Variants in TTC23L observed in about 807,000 individuals in gnomAD.
The protein encoded by TTC23L is tetratricopeptide repeat protein 23-like.
Under a neutral mutation model 48.1 loss-of-function variants are expected in TTC23L, and 42 were observed. The ratio of observed to expected loss-of-function variants is 0.87; its 90% CI spans 0.68 to 1.13. TTC23L has a LOEUF of 1.13. TTC23L is among the 50% of genes most tolerant of loss of function. The probability of loss-of-function intolerance (pLI) is 0.00; values close to 1 mark genes in which losing one functional copy is unlikely to be tolerated. For synonymous variants in TTC23L, 159 were observed against 157.2 expected, an observed-to-expected ratio of 1.01 and a Z score of -0.09; for missense variants, 391 against 421.0, an observed-to-expected ratio of 0.93 and a Z score of 0.62.
the TTC23L span, chr5:34,924,872 T>A: frequency 1.2e-6 from 2 of 1,606,396 alleles, no homozygotes; most frequent in African/African-American, 2.7e-5. Context: ...GCTGCTCTTG[T>A]AGAAATAGGA....
At chr5:34,909,200 A>G in the TTC23L span, 2 of 1,296,282 alleles carry the variant, frequency 1.5e-6, no homozygotes, top group Non-Finnish European at 2.2e-6. Flanking sequence ...ATTTAACAGA[A>G]ATCTGGTATT....
chr5:34,850,463 T>C (rs982967222), intron 4 of TTC23L, among the ~76,000 whole-genome samples, 155 bp downstream of exon 4: 2 of 30,524 alleles, frequency 6.6e-5, no homozygotes, highest in South Asian at 1.1e-3. Context: ...AGGGAGACAG[T>C]GTGCAAGGAT....
At chr5:34,882,250 C>A (rs2111683386) in intron 9 of TTC23L, among the ~76,000 whole-genome samples, 1 of 152,286 alleles carries the variant, frequency 6.6e-6, no homozygotes, top group South Asian at 2.1e-4. Flanking sequence ...CCACTTCTAA[C>A]CAAGTACTTT....
At chr5:34,906,738 GGA>G in the TTC23L span, 2 of 152,276 alleles carry the variant, frequency 1.3e-5, no homozygotes, top group East Asian at 1.9e-4. Context: ...ATCTGAAATT[GGA>G]GAGTCTTTCA....
the TTC23L span, chr5:34,915,738 G>A: frequency 6.3e-7 from 1 of 1,599,878 alleles, no homozygotes; most frequent in Non-Finnish European, 8.5e-7. Flanking sequence ...GGCGAGGCAA[G>A]ATGGCGGCAA....
intron 3 of TTC23L, 131 bp downstream of exon 3, chr5:34,845,804 A>ATTTTTT: frequency 1.0e-6 from 1 of 967,284 alleles, no homozygotes; most frequent in South Asian, 1.8e-5. Context: ...TAAGTAGCAG[A>ATTTTTT]AAACAAAGCA....
chr5:34,911,209 C>A, the TTC23L span, among the ~76,000 whole-genome samples: 1 of 152,198 alleles, frequency 6.6e-6, no homozygotes, highest in African/African-American at 2.4e-5. Flanking sequence ...GAAAAAGATA[C>A]CATAATACAA....
chr5:34,919,821 CT>C, the TTC23L span: 50 of 866,518 alleles, frequency 5.8e-5, no homozygotes, highest in South Asian at 1.2e-4. Context: ...CTTGCTTTTT[CT>C]TTTTTTTCTT....
intron 6 of TTC23L, among the ~76,000 whole-genome samples, chr5:34,865,337 C>A (rs1760972772): frequency 6.6e-6 from 1 of 152,152 alleles, no homozygotes; most frequent in Admixed American, 6.6e-5. Flanking sequence ...TCTGCGTCCT[C>A]TAAACAACCA....
At chr5:34,881,637 T>G (rs574053806) in intron 9 of TTC23L, among the ~76,000 whole-genome samples, 1 of 152,318 alleles carries the variant, frequency 6.6e-6, no homozygotes, top group South Asian at 2.1e-4. Context: ...ATATCATATC[T>G]AAACATTTTT....
intron 1 of TTC23L, 52 bp from the exon 2 acceptor site, chr5:34,840,612 GA>G: frequency 6.6e-7 from 1 of 1,504,210 alleles, no homozygotes; most frequent in Non-Finnish European, 9.3e-7. Flanking sequence ...GGGGAAAATA[GA>G]ACAGACACCC....
chr5:34,922,211 C>A, the TTC23L span: 1 of 1,541,586 alleles, frequency 6.5e-7, no homozygotes, highest in Non-Finnish European at 8.9e-7. Context: ...ACTTTGCTTC[C>A]TTTAGGTTTG....
intron 7 of TTC23L, 42 bp downstream of exon 7, chr5:34,867,111 G>T (rs1297316950): frequency 6.3e-7 from 1 of 1,581,692 alleles, no homozygotes; most frequent in South Asian, 1.2e-5. Flanking sequence ...TGCCTTGTTT[G>T]GCCCCAGGCT....
chr5:34,844,480 T>C (rs896374765), intron 2 of TTC23L, among the ~76,000 whole-genome samples: 1 of 151,182 alleles, frequency 6.6e-6, no homozygotes, highest in African/African-American at 2.4e-5. Flanking sequence ...TTGGCAGTTA[T>C]TTTCTTCTTG....
the TTC23L span, chr5:34,911,780 C>T: frequency 6.2e-7 from 1 of 1,614,014 alleles, no homozygotes; most frequent in African/African-American, 1.3e-5. Context: ...TAACCATAAC[C>T]TTGGTAACAC....
downstream of TTC23L, among the ~76,000 whole-genome samples, chr5:34,900,629 C>G (rs1420538283): frequency 6.6e-6 from 1 of 152,154 alleles, no homozygotes; most frequent in Admixed American, 6.5e-5. Context: ...AGCCACAGAC[C>G]TCAATCTTTG....
intron 9 of TTC23L, among the ~76,000 whole-genome samples, chr5:34,889,728 A>T (rs762492961): frequency 6.6e-6 from 1 of 152,222 alleles, no homozygotes; most frequent in African/African-American, 2.4e-5. Context: ...AACTGTAAAA[A>T]TATTAATAAC....
downstream of TTC23L, among the ~76,000 whole-genome samples, chr5:34,899,752 C>T (rs1580501200): frequency 6.6e-6 from 1 of 152,064 alleles, no homozygotes; most frequent in South Asian, 2.1e-4. Flanking sequence ...ATTAGCTGGG[C>T]GTGGTGACAC....
the TTC23L span, chr5:34,906,962 T>C: frequency 6.6e-6 from 1 of 152,240 alleles, no homozygotes; most frequent in African/African-American, 2.4e-5. Flanking sequence ...TAAATTCATT[T>C]GTTTCCTTCT....
Sources: gnomAD v4.1 joint callset for allele counts (sites outside exome capture counted in the v4.1 genomes callset) on GRCh38, gnomAD v4.1.1 for gene constraint, MANE v1.5 for transcripts, NCBI Gene and HGNC (gene_info 2026-07-23, HGNC 2026-07-21) for gene names.